ZNF207: variants seen among roughly 807,000 people sequenced by gnomAD.
ZNF207 encodes BUB3-interacting and GLEBS motif-containing protein ZNF207.
A neutral mutation model predicts 60.2 loss-of-function variants in ZNF207; 24 were observed. That is an observed-to-expected ratio of 0.40 (90% confidence interval 0.29 to 0.56). The LOEUF is 0.56. Among genes scored for constraint, ZNF207 ranks in the 20% least tolerant of loss-of-function variants. The pLI is 0.49. For synonymous variants in ZNF207, 236 were observed against 194.7 expected (o/e 1.21, Z -1.77); for missense variants, 452 against 636.6 (o/e 0.71, Z 3.12).
At chr17:32,363,842 T>C (rs1905024128) in intron 7 of ZNF207, among the ~76,000 whole-genome samples, 3 of 151,958 alleles carry the variant, frequency 2.0e-5, no homozygotes, top group Admixed American at 2.0e-4. Flanking sequence ...CAACAAACTG[T>C]ATTAAACGGT....
At chr17:32,363,858 C>T (rs766839408) in intron 7 of ZNF207, among the ~76,000 whole-genome samples, 1 of 151,920 alleles carries the variant, frequency 6.6e-6, no homozygotes, top group Non-Finnish European at 1.5e-5. Context: ...ACGGTGTAGG[C>T]ATTCATTGTC....
intron 2 of ZNF207, among the ~76,000 whole-genome samples, chr17:32,356,271 T>G (rs1210529903): frequency 1.3e-5 from 2 of 152,196 alleles, no homozygotes; most frequent in Non-Finnish European, 2.9e-5. Flanking sequence ...ACACCTTTAA[T>G]TGTTGCCCTT....
Position 32,371,795 on chromosome 17 carries a change from A to G in ZNF207, c.*2036A>G, listed in dbSNP as rs2150805539. On this transcript the variant is annotated 3_prime_UTR_variant, in exon 12 of 12. Coordinates refer to ENST00000394670, the MANE Select transcript of ZNF207 (RefSeq NM_001098507.2). ...TTTTGGCTCCTGTGCTTGTGGTACC[A>G]TAGTGGTACAAAAATTTTCATAGTT... is the stretch of plus-strand genomic sequence containing the variant. 1 of 152,356 alleles carries G rather than the reference A, an allele frequency of 6.6e-6. No individual in the cohort carries two copies. The highest frequency in any genetic ancestry group is 1.9e-4 in the East Asian group (1 of 5,190). 9.4% of individuals were successfully genotyped at this position (152,356 alleles called of 1,614,324 possible).
intron 1 of ZNF207, 163 bp downstream of exon 1, chr17:32,350,489 A>G: frequency 1.2e-6 from 1 of 866,560 alleles, no homozygotes; most frequent in Admixed American, 2.5e-5. Flanking sequence ...TTCTAGGAAA[A>G]TGGGGTTCCG....
At position 32,371,267 on chromosome 17, in the gene ZNF207, T is replaced by C. The variant is rs905412779; in HGVS notation, c.*1508T>C. ...CTAAGAAAATGGTAACATTTCTTTA[T>C]AACTTTCCTGTGAAGGTATAGATAA... On this transcript the variant is annotated 3_prime_UTR_variant, in exon 12 of 12. Transcript: ENST00000394670. 7 of 152,222 alleles carry C rather than the reference T, an allele frequency of 4.6e-5. No homozygotes were observed. Among genetic ancestry groups the C allele is most frequent in the African/African-American group, 4.8e-5 (2 of 41,460 alleles). The allele number at this position is 152,222 out of a possible 1,614,324, so 9.4% of individuals were successfully genotyped here.
chr17:32,351,457 G>T lies in ZNF207; in HGVS notation c.42-329G>T. The T allele has an allele frequency of 2.2e-6, 3 of 1,391,436 alleles. No homozygotes were observed. In the South Asian group the frequency reaches 4.4e-5, roughly 20 times the overall value. The allele number at this position is 1,391,436 out of a possible 1,614,324, so 86.2% of individuals were successfully genotyped here. ...GGATTTCTTAACTGAACTCTTTCCT[G>T]TCCTCAGTGTGCATTTGTAAATGTT... On this transcript the variant is annotated intron_variant, in intron 1 of 11. Transcript: ENST00000394670.
intron 10 of ZNF207, chr17:32,368,690 CAAAAAAA>C (rs56261296): frequency 8.8e-6 from 1 of 113,050 alleles, no homozygotes; most frequent in African/African-American, 3.5e-5. Context: ...GACTCCATCT[CAAAAAAA>C]AAAAAAGAAA....
At chr17:32,353,216 C>G (rs530078926) in intron 2 of ZNF207, among the ~76,000 whole-genome samples, 1 of 152,034 alleles carries the variant, frequency 6.6e-6, no homozygotes, top group Non-Finnish European at 1.5e-5. Context: ...TTTTAAAGTT[C>G]TTTTAATAAA....
At chr17:32,358,763 A>G (rs1373356157) in intron 3 of ZNF207, 122 bp downstream of exon 3, 1 of 706,654 alleles carries the variant, frequency 1.4e-6, no homozygotes, top group Non-Finnish European at 2.0e-6. Flanking sequence ...GGCTCTCTGC[A>G]TCTTCTGCCT....
Position 32,376,733 on chromosome 17 carries a change from C to T in ZNF207, c.*6974C>T, listed in dbSNP as rs558376074. ...TAGGTTCTTTAAGAGGCATACAATC[C>T]GTTATGAGAATGTTTATGTTTATGT... On this transcript the variant is annotated 3_prime_UTR_variant, in exon 12 of 12. Coordinates refer to ENST00000394670, the MANE Select transcript of ZNF207 (RefSeq NM_001098507.2). 78 of 152,038 alleles carry T rather than the reference C, an allele frequency of 5.1e-4. No individual in the cohort carries two copies. Among genetic ancestry groups the T allele is most frequent in the African/African-American group, 1.5e-3 (61 of 41,514 alleles). 9.4% of individuals were successfully genotyped at this position (152,038 alleles called of 1,614,324 possible).
At chr17:32,367,376 GT>G (rs371039583) in intron 9 of ZNF207, among the ~76,000 whole-genome samples, 303 of 139,454 alleles carry the variant, frequency 2.2e-3, no homozygotes, top group Admixed American at 3.2e-3. Flanking sequence ...ATATTCTGTA[GT>G]TTTTTTTTTA....
Position 32,370,061 on chromosome 17 carries a change from T to G in ZNF207, c.*302T>G, listed in dbSNP as rs569579773. 4.6e-6 allele frequency: 1 copy of G among 218,534 alleles called. No individual in the cohort carries two copies. Among genetic ancestry groups the G allele is most frequent in the African/African-American group, 2.3e-5 (1 of 44,098 alleles). 13.5% of individuals were successfully genotyped at this position (218,534 alleles called of 1,614,324 possible). On this transcript the variant is annotated 3_prime_UTR_variant, in exon 12 of 12. Transcript: ENST00000394670. ...AAATTGTGAAGGCGCTGGAATTACATGAACATACCACCCTAGTAAAGGCAA... is the reference window on the plus strand; with the variant it reads ...AAATTGTGAAGGCGCTGGAATTACAGGAACATACCACCCTAGTAAAGGCAA...
chr17:32,361,860 T>C (rs1045731170), intron 6 of ZNF207, among the ~76,000 whole-genome samples: 2 of 152,212 alleles, frequency 1.3e-5, no homozygotes, highest in Non-Finnish European at 2.9e-5. Flanking sequence ...AATCTATTAA[T>C]AGAAGTTAAT....
rs1463281038 is a variant in ZNF207, at chr17:32,371,999, A to C, written c.*2240A>C. ...AGGAAAACTTGTGTTGAAAGTCTTT[A>C]AGATAAAAATGGTGTGATAGGCCGG... On this transcript the variant is annotated 3_prime_UTR_variant, in exon 12 of 12. Coordinates refer to ENST00000394670, the MANE Select transcript of ZNF207 (RefSeq NM_001098507.2). 2 of 152,108 alleles carry C rather than the reference A, an allele frequency of 1.3e-5. No individual in the cohort carries two copies. The highest frequency in any genetic ancestry group is 4.8e-5 in the African/African-American group (2 of 41,386). The allele number at this position is 152,108 out of a possible 1,614,324, so 9.4% of individuals were successfully genotyped here.
intron 2 of ZNF207, among the ~76,000 whole-genome samples, chr17:32,353,358 G>T (rs1017910935): frequency 6.6e-6 from 1 of 152,138 alleles, no homozygotes; most frequent in Non-Finnish European, 1.5e-5. Context: ...AGAAATATGA[G>T]ATGAGCAAAT....
chr17:32,367,432 G>A (rs1905255798), intron 9 of ZNF207, among the ~76,000 whole-genome samples: 1 of 150,454 alleles, frequency 6.6e-6, no homozygotes, highest in Non-Finnish European at 1.5e-5. Flanking sequence ...ATTAAAAATA[G>A]AACACATGCT....
chr17:32,355,391 A>G (rs548533094), intron 2 of ZNF207, among the ~76,000 whole-genome samples: 3 of 152,298 alleles, frequency 2.0e-5, no homozygotes, highest in Non-Finnish European at 2.9e-5. Flanking sequence ...CCCTGTCTCA[A>G]AAATGTTTAT....
At position 32,380,275 on chromosome 17, in the gene ZNF207, T is replaced by C. The variant is rs1905830989; in HGVS notation, c.*10516T>C. On this transcript the variant is annotated 3_prime_UTR_variant, in exon 12 of 12. Coordinates refer to ENST00000394670, the MANE Select transcript of ZNF207 (RefSeq NM_001098507.2). ...CGTAATATAAGGTAATGTTTAAAAG[T>C]GAGCAATAATTATTGCATCTCTTTT... The C allele has an allele frequency of 6.6e-6, 1 of 152,658 alleles. No individual in the cohort carries two copies. Among genetic ancestry groups the C allele is most frequent in the Admixed American group, 6.5e-5 (1 of 15,286 alleles). 9.5% of individuals were successfully genotyped at this position (152,658 alleles called of 1,614,324 possible). A position where few individuals can be genotyped will look rare whatever the true frequency, so the allele number is the denominator to read the frequency against.
rs968709137 is a variant in ZNF207 at position 32,360,985 on chromosome 17, A to G, written c.551+18A>G. ...CCACCTGGGTAAGAAAATTCTTTTAATTGCCCTGTAGGCTTGTGCCTAGTA... is the reference window on the plus strand; with the variant it reads ...CCACCTGGGTAAGAAAATTCTTTTAGTTGCCCTGTAGGCTTGTGCCTAGTA... On this transcript the variant is annotated intron_variant, in intron 5 of 11. Transcript: ENST00000394670. 3 of 1,610,178 alleles carry G rather than the reference A, an allele frequency of 1.9e-6. No individual in the cohort carries two copies. Among genetic ancestry groups the G allele is most frequent in the East Asian group, 2.2e-5 (1 of 44,876 alleles).
Sources: allele counts gnomAD v4.1 joint callset (sites outside exome capture counted in the v4.1 genomes callset), GRCh38; gene constraint gnomAD v4.1.1; transcripts MANE v1.5; gene names NCBI Gene and HGNC (gene_info 2026-07-23, HGNC 2026-07-21).